Variants in FYB2 observed in about 807,000 individuals in gnomAD.
FYB2 encodes FYN-binding protein 2.
FYB2 carries 103 observed loss-of-function variants against 94.1 expected under a neutral mutation model. The observed-to-expected ratio is 1.09, with a 90% confidence interval of 0.93 to 1.29. The LOEUF is 1.29. FYB2 is among the 50% of genes most tolerant of loss of function. The pLI, the probability that FYB2 is intolerant of heterozygous loss-of-function variation, is 0.00. For synonymous variants in FYB2, 293 were observed against 287.9 expected, an observed-to-expected ratio of 1.02 and a Z score of -0.18; for missense variants, 896 against 841.5, an observed-to-expected ratio of 1.06 and a Z score of -0.80.
chr1:56,750,082 G>A (rs1569981151), intron 9 of FYB2, among the ~76,000 whole-genome samples: 1 of 151,722 alleles, frequency 6.6e-6, no homozygotes, highest in African/African-American at 2.4e-5. Context: ...CAGAGATACA[G>A]AAAAAAAATA....
intron 5 of FYB2, chr1:56,761,903 T>C (rs1244541804): frequency 2.0e-5 from 3 of 152,200 alleles, no homozygotes; most frequent in Non-Finnish European, 4.4e-5. Context: ...TTAACTTTTG[T>C]ATAAGGTGTG....
At chr1:56,813,638 T>C (rs1220459957) in intron 1 of FYB2, among the ~76,000 whole-genome samples, 1 of 152,176 alleles carries the variant, frequency 6.6e-6, no homozygotes, top group Non-Finnish European at 1.5e-5. Flanking sequence ...GGGTTAGGAC[T>C]TCAACATGAG....
chr1:56,759,320 ATGC>A (rs1266472502), intron 5 of FYB2, among the ~76,000 whole-genome samples: 5 of 152,160 alleles, frequency 3.3e-5, no homozygotes, highest in African/African-American at 1.2e-4. Flanking sequence ...GTTCTGAGAA[ATGC>A]ATCCTTAGGT....
intron 11 of FYB2, 65 bp from the exon 12 acceptor site, chr1:56,742,286 C>T (rs1392922886): frequency 1.6e-6 from 2 of 1,282,460 alleles, no homozygotes; most frequent in East Asian, 2.4e-5. Flanking sequence ...TCATATTTAA[C>T]AAAAAGTATT....
At position 56,753,844 on chromosome 1, in the gene FYB2, A is replaced by C. The variant is rs1459344209; in HGVS notation, c.1222T>G (p.Phe408Val). The C allele has an allele frequency of 1.2e-5, 19 of 1,604,474 alleles. No homozygotes were observed. The East Asian group carries it at 4.2e-4, about 36-fold the overall frequency. The change falls in exon 8 of 20, where the codon TTC becomes GTC. Residue 408 changes from phenylalanine to valine, a missense_variant. Transcript: ENST00000343433. ...TEKEPYSNHV[F>V]KVDACEGTPE... ...GAACCGTAGAACATAGGTACCTTGA[A>C]AACATGGTTTGAATATGGTTCCTTT...
intron 1 of FYB2, 26 bp from the exon 2 acceptor site, chr1:56,792,829 C>CAAACAA (rs758377438): frequency 1.3e-6 from 2 of 1,556,804 alleles, no homozygotes; most frequent in Non-Finnish European, 1.7e-6. Flanking sequence ...ATCAAACAAA[C>CAAACAA]AAACAAAAAC....
At chr1:56,791,409 C>T (rs1281601351) in intron 2 of FYB2, among the ~76,000 whole-genome samples, 1 of 152,050 alleles carries the variant, frequency 6.6e-6, no homozygotes, top group Non-Finnish European at 1.5e-5. Flanking sequence ...GCACAGGCCA[C>T]CATGTCCAGC....
intron 1 of FYB2, among the ~76,000 whole-genome samples, chr1:56,795,513 A>G (rs540390071): frequency 6.6e-6 from 1 of 152,230 alleles, no homozygotes; most frequent in Non-Finnish European, 1.5e-5. Context: ...AAATTGCTGG[A>G]CTATATGGTA....
At chr1:56,773,172 G>C (rs773035852) in intron 4 of FYB2, among the ~76,000 whole-genome samples, 10 of 152,054 alleles carry the variant, frequency 6.6e-5, no homozygotes, top group Non-Finnish European at 1.0e-4. Flanking sequence ...AAACAAATGG[G>C]ATCTCTCTAG....
chr1:56,819,254 G>C (rs770791939), intron 1 of FYB2, 28 bp downstream of exon 1: 2 of 1,614,082 alleles, frequency 1.2e-6, no homozygotes, highest in African/African-American at 2.7e-5. Flanking sequence ...CACACAGAAA[G>C]CCAGCAACAA....
chr1:56,747,930 A>G (rs1175965563), intron 9 of FYB2, among the ~76,000 whole-genome samples: 1 of 152,038 alleles, frequency 6.6e-6, no homozygotes, highest in Admixed American at 6.6e-5. Flanking sequence ...TGACTTTTTG[A>G]TAACTGTCAT....
chr1:56,752,131 A>G (rs1441928484), intron 8 of FYB2, among the ~76,000 whole-genome samples: 1 of 152,020 alleles, frequency 6.6e-6, no homozygotes, highest in Non-Finnish European at 1.5e-5. Flanking sequence ...AAGGAAAAAG[A>G]TAAGGGAAGA....
At chr1:56,820,673 A>C (rs1646981399), upstream of FYB2, among the ~76,000 whole-genome samples, 1 of 152,246 alleles carries the variant, frequency 6.6e-6, no homozygotes. Flanking sequence ...TCAAAAATAC[A>C]GGATTCAAGT....
At chr1:56,769,043 A>G (rs1645692671) in intron 4 of FYB2, among the ~76,000 whole-genome samples, 1 of 151,972 alleles carries the variant, frequency 6.6e-6, no homozygotes, top group Non-Finnish European at 1.5e-5. Context: ...TAGTATTATT[A>G]TTATATATTT....
chr1:56,786,971 C>A (rs1306040478), intron 4 of FYB2, among the ~76,000 whole-genome samples: 1 of 152,146 alleles, frequency 6.6e-6, no homozygotes, highest in Non-Finnish European at 1.5e-5. Flanking sequence ...ATCTTTGCAA[C>A]TTAACATCAG....
At chr1:56,803,359 A>G (rs1397820633) in intron 1 of FYB2, among the ~76,000 whole-genome samples, 2 of 152,156 alleles carry the variant, frequency 1.3e-5, no homozygotes, top group Non-Finnish European at 2.9e-5. Flanking sequence ...TGGATTTTGG[A>G]ATTGTGGGTA....
At chr1:56,763,824 T>C (rs563505465) in intron 5 of FYB2, among the ~76,000 whole-genome samples, 39 of 152,276 alleles carry the variant, frequency 2.6e-4, no homozygotes, top group African/African-American at 9.1e-4. Context: ...CTTATCCTTA[T>C]TGTTTCCTTC....
intron 1 of FYB2, among the ~76,000 whole-genome samples, chr1:56,806,957 T>A (rs934144395): frequency 2.6e-5 from 4 of 152,144 alleles, no homozygotes; most frequent in Non-Finnish European, 5.9e-5. Flanking sequence ...GAATTTATGA[T>A]CTCTGCAAAC....
chr1:56,767,199 G>A (rs1300771610), intron 5 of FYB2, among the ~76,000 whole-genome samples: 1 of 152,190 alleles, frequency 6.6e-6, no homozygotes, highest in Non-Finnish European at 1.5e-5. Context: ...AGAACTGGCT[G>A]ATACTATAGG....
Sources: allele counts gnomAD v4.1 joint callset (sites outside exome capture counted in the v4.1 genomes callset), GRCh38; gene constraint gnomAD v4.1.1; transcripts MANE v1.5; gene names NCBI Gene and HGNC (gene_info 2026-07-23, HGNC 2026-07-21).